RAPGEFL1: variants seen among roughly 807,000 people sequenced by gnomAD.
RAPGEFL1 encodes Rap guanine nucleotide exchange factor like 1.
Under a neutral mutation model 64.4 loss-of-function variants are expected in RAPGEFL1, and 31 were observed. That is an observed-to-expected ratio of 0.48 (90% confidence interval 0.36 to 0.65). The LOEUF (loss-of-function observed/expected upper bound fraction) is 0.65, where lower values mean the gene tolerates loss of function less well. Among genes scored for constraint, RAPGEFL1 ranks in the 30% least tolerant of loss-of-function variants. The probability of loss-of-function intolerance (pLI) is 0.00; values close to 1 mark genes in which losing one functional copy is unlikely to be tolerated. For missense variants in RAPGEFL1, 682 were observed against 677.4 expected, an observed-to-expected ratio of 1.01 and a Z score of -0.08; for synonymous variants, 331 against 274.1, an observed-to-expected ratio of 1.21 and a Z score of -2.05.
intron 2 of RAPGEFL1, 121 bp from the exon 3 acceptor site, chr17:40,184,093 C>A (rs937569733): frequency 7.6e-6 from 6 of 792,784 alleles, no homozygotes; most frequent in African/African-American, 1.7e-5. Flanking sequence ...ATCCGCCCGC[C>A]TCAGCTTCCC....
intron 13 of RAPGEFL1, 21 bp from the exon 14 acceptor site, chr17:40,193,342 T>A (rs771739211): frequency 6.2e-7 from 1 of 1,613,870 alleles, no homozygotes; most frequent in Non-Finnish European, 8.5e-7. Context: ...CTTTCAAGGC[T>A]CATTCCTTGT....
Position 40,189,328 on chromosome 17 carries a change from C to CG in RAPGEFL1, c.1071dup (p.Arg358AlafsTer2). On this transcript the variant is annotated frameshift_variant, in exon 6 of 15. Coordinates refer to ENST00000620260, the MANE Select transcript of RAPGEFL1 (RefSeq NM_016339.6). LOFTEE classifies it high-confidence loss of function. ...AAACTTCAATATTCAGAGGAGCCCGCGGGGCGTGAGGATTCCCTCATCCTG... is the reference window on the plus strand; with the variant it reads ...AAACTTCAATATTCAGAGGAGCCCGCGGGGGCGTGAGGATTCCCTCATCCTG... 6.2e-7 allele frequency: 1 copy of CG among 1,614,168 alleles called. No homozygotes were observed. Among genetic ancestry groups the CG allele is most frequent in the African/African-American group, 1.3e-5 (1 of 75,040 alleles).
rs752339646 is a variant in RAPGEFL1, at chr17:40,189,202, G to C, written c.947-6G>C. ...TGTTGAAAGCCATTTTCCTGTTTCC[G>C]TCCAGTCTTCTGCCGTGTATACATG... On this transcript the variant is annotated splice_region_variant and splice_polypyrimidine_tract_variant and intron_variant, in intron 5 of 14. Coordinates refer to ENST00000620260, the MANE Select transcript of RAPGEFL1 (RefSeq NM_016339.6). The C allele has an allele frequency of 1.2e-5, 19 of 1,613,688 alleles. No homozygotes were observed. Among genetic ancestry groups the C allele is most frequent in the Non-Finnish European group, 1.4e-5 (17 of 1,179,818 alleles).
At chr17:40,192,855 C>G (rs981170326) in intron 12 of RAPGEFL1, 71 bp from the exon 13 acceptor site, 24 of 1,420,024 alleles carry the variant, frequency 1.7e-5, no homozygotes, top group Non-Finnish European at 2.2e-5. Flanking sequence ...GCGGGGTCCT[C>G]GGGTGCAGTG....
rs1050547562 is a variant in RAPGEFL1, at chr17:40,191,212, C to T, written c.1336-104C>T. 3.7e-6 allele frequency: 4 copies of T among 1,089,542 alleles called. No individual in the cohort carries two copies. The African/African-American group carries it at 6.6e-5, about 18-fold the overall frequency. 67.5% of individuals were successfully genotyped at this position (1,089,542 alleles called of 1,614,324 possible). A position where few individuals can be genotyped will look rare whatever the true frequency, so the allele number is the denominator to read the frequency against. ...TTTCTATTTTCCACCCCTTCCGCCC[C>T]CGCCCTCCTGCCTTTCGCTCCTCAT... On this transcript the variant is annotated intron_variant, in intron 8 of 14. Transcript: ENST00000620260. The surrounding 1 kb of genome is among the most constrained non-coding windows in gnomAD (Gnocchi z 5.1).
At chr17:40,190,561 T>G (rs1172184472) in intron 7 of RAPGEFL1, 30 bp downstream of exon 7, 10 of 1,614,114 alleles carry the variant, frequency 6.2e-6, no homozygotes, top group Admixed American at 3.3e-5. Flanking sequence ...TTGACTGGAA[T>G]GGAGGGCTGA....
intron 1 of RAPGEFL1, among the ~76,000 whole-genome samples, chr17:40,180,912 C>G (rs1275786872): frequency 6.6e-6 from 1 of 152,210 alleles, no homozygotes. Context: ...CCTGCCCCAC[C>G]CCAGGGCTGG....
At position 40,192,751 on chromosome 17, in the gene RAPGEFL1, C is replaced by T; in HGVS notation, c.1744+58C>T. 4 of 1,522,310 alleles carry T rather than the reference C, an allele frequency of 2.6e-6. No individual in the cohort carries two copies. In the South Asian group the frequency reaches 4.5e-5, roughly 17 times the overall value. The allele number at this position is 1,522,310 out of a possible 1,614,324, so 94.3% of individuals were successfully genotyped here. The stretch of plus-strand genomic sequence containing the variant: ...CACCCATGCTTCCCTTCTCCTATGC[C>T]CTGCTTCTGACTTCCAGCTCCCTCT... On this transcript the variant is annotated intron_variant, in intron 12 of 14. Transcript: ENST00000620260.
intron 6 of RAPGEFL1, among the ~76,000 whole-genome samples, chr17:40,190,179 C>T (rs940386909): frequency 1.3e-5 from 2 of 152,108 alleles, no homozygotes; most frequent in Non-Finnish European, 1.5e-5. Context: ...TTTCAGCCTT[C>T]CCAGTGTCAC....
chr17:40,186,056 A>G (rs1196290117), intron 4 of RAPGEFL1, among the ~76,000 whole-genome samples: 1 of 147,926 alleles, frequency 6.8e-6, no homozygotes, highest in Non-Finnish European at 1.5e-5. Context: ...GAGGCAGATC[A>G]TGAGATCAGG....
At position 40,191,259 on chromosome 17, in the gene RAPGEFL1, C is replaced by A; in HGVS notation, c.1336-57C>A. On this transcript the variant is annotated intron_variant, in intron 8 of 14. Transcript: ENST00000620260. The surrounding 1 kb of genome is among the most constrained non-coding windows in gnomAD (Gnocchi z 5.1). ...TCATCGCCTTGCACTGCCATCTTCC[C>A]ACCCACTCCCCTCACCCCCTGGCGC... 6.8e-7 allele frequency: 1 copy of A among 1,472,666 alleles called. No individual in the cohort carries two copies. Among genetic ancestry groups the A allele is most frequent in the Non-Finnish European group, 9.0e-7 (1 of 1,114,436 alleles). 91.2% of individuals were successfully genotyped at this position (1,472,666 alleles called of 1,614,324 possible).
At chr17:40,177,335 G>A, upstream of RAPGEFL1, 1 of 702,212 alleles carries the variant, frequency 1.4e-6, no homozygotes, top group Non-Finnish European at 2.6e-6. Context: ...TAGAACCCAA[G>A]TCCCTTACTG....
At chr17:40,188,819 C>T (rs761777585) in intron 4 of RAPGEFL1, 47 bp from the exon 5 acceptor site, 2 of 1,473,704 alleles carry the variant, frequency 1.4e-6, no homozygotes, top group African/African-American at 1.4e-5. Context: ...TGTTGGTTGT[C>T]CATATGCCTG....
chr17:40,177,675 TC>T lies in RAPGEFL1; in HGVS notation c.-182del. 7.3e-6 allele frequency: 3 copies of T among 408,482 alleles called. No individual in the cohort carries two copies. Among genetic ancestry groups the T allele is most frequent in the Non-Finnish European group, 1.3e-5 (3 of 235,106 alleles). 25.3% of individuals were successfully genotyped at this position (408,482 alleles called of 1,614,324 possible). On this transcript the variant is annotated 5_prime_UTR_variant, in exon 1 of 15. Transcript: ENST00000620260. Reference sequence around the variant, plus strand: ...GCGAGCACTCCTTTCCTCTGGCACCTCCCCCGGCTACTGGCCACTGGACTCT... The same window carrying T: ...GCGAGCACTCCTTTCCTCTGGCACCTCCCCGGCTACTGGCCACTGGACTCT...
chr17:40,183,172 A>T (rs1207481535), intron 2 of RAPGEFL1, among the ~76,000 whole-genome samples: 2 of 152,108 alleles, frequency 1.3e-5, no homozygotes, highest in Admixed American at 6.6e-5. Flanking sequence ...ATAAATAAAT[A>T]AAAGTAACAA....
intron 13 of RAPGEFL1, 124 bp from the exon 14 acceptor site, chr17:40,193,239 A>G: frequency 8.6e-7 from 1 of 1,168,570 alleles, no homozygotes; most frequent in South Asian, 1.3e-5. Flanking sequence ...TTGGTCCTTC[A>G]GAGACCCTCC....
At chr17:40,186,574 CA>C (rs146110920) in intron 4 of RAPGEFL1, among the ~76,000 whole-genome samples, 125 of 26,272 alleles carry the variant, frequency 4.8e-3, no homozygotes, top group South Asian at 0.012. Context: ...GACTCCGTCT[CA>C]AAAAAAAAAA....
chr17:40,180,563 C>T (rs749458798), intron 1 of RAPGEFL1, among the ~76,000 whole-genome samples: 3 of 152,128 alleles, frequency 2.0e-5, no homozygotes, highest in Non-Finnish European at 2.9e-5. Context: ...CCCCTCTGAC[C>T]GCTAGGTTTT....
At chr17:40,192,747 A>G (rs1990320859) in intron 12 of RAPGEFL1, 54 bp downstream of exon 12, 7 of 1,530,036 alleles carry the variant, frequency 4.6e-6, no homozygotes, top group South Asian at 1.1e-5. Flanking sequence ...CCCTTCTCCT[A>G]TGCCCTGCTT....
Sources: allele counts gnomAD v4.1 joint callset (sites outside exome capture counted in the v4.1 genomes callset), GRCh38; gene constraint gnomAD v4.1.1; non-coding constraint Gnocchi (gnomAD v3.1); transcripts MANE v1.5; gene names NCBI Gene and HGNC (gene_info 2026-07-23, HGNC 2026-07-21).